The following SANBR variants were observed in gnomAD, a reference collection of about 807,000 sequenced individuals.
SANBR encodes the protein SANT and BTB domain regulator of class switch recombination.
A neutral mutation model predicts 101.8 loss-of-function variants in SANBR; 77 were observed. The ratio of observed to expected loss-of-function variants is 0.76; its 90% confidence interval spans 0.63 to 0.91. The LOEUF is 0.91. SANBR is among the 40% of genes least tolerant of loss of function. SANBR has a pLI of 0.00. For missense variants in SANBR, 875 were observed against 853.0 expected (o/e 1.03, Z -0.32); for synonymous variants, 279 against 274.7 (o/e 1.02, Z -0.15).
downstream of SANBR, among the ~76,000 whole-genome samples, chr2:61,126,538 C>G (rs949170642): frequency 6.6e-6 from 1 of 152,136 alleles, no homozygotes; most frequent in Admixed American, 6.5e-5. Flanking sequence ...CGCGGTGGCT[C>G]ACGCCTGTAA....
intron 10 of SANBR, chr2:61,089,566 T>A (rs1346450546): frequency 6.6e-6 from 1 of 152,236 alleles, no homozygotes; most frequent in Non-Finnish European, 1.5e-5. Context: ...ACCCAGCTAC[T>A]TGGGAGGCCA....
chr2:61,067,388 T>C (rs918304821), intron 1 of SANBR, among the ~76,000 whole-genome samples: 5 of 152,194 alleles, frequency 3.3e-5, no homozygotes, highest in African/African-American at 1.2e-4. Context: ...TCAGGGAAGA[T>C]CCTTGCCCTG....
chr2:61,079,920 C>G (rs923264612), intron 6 of SANBR, among the ~76,000 whole-genome samples: 13 of 150,838 alleles, frequency 8.6e-5, no homozygotes, highest in Middle Eastern at 3.4e-3. Context: ...AAAAAAAGCC[C>G]GGCACTCTGG....
intron 20 of SANBR, among the ~76,000 whole-genome samples, chr2:61,119,343 C>G (rs942473735): frequency 6.6e-6 from 1 of 152,128 alleles, no homozygotes; most frequent in Admixed American, 6.6e-5. Flanking sequence ...TAGCCTACAA[C>G]ACCAAAAGCA....
intron 12 of SANBR, among the ~76,000 whole-genome samples, chr2:61,099,602 GT>G (rs1176329928): frequency 1.3e-5 from 2 of 152,190 alleles, no homozygotes; most frequent in Non-Finnish European, 2.9e-5. Flanking sequence ...AGATATATGA[GT>G]TTGGGAGCTC....
At chr2:61,074,986 C>T (rs1188462092) in intron 5 of SANBR, 2 of 149,252 alleles carry the variant, frequency 1.3e-5, no homozygotes, top group African/African-American at 2.5e-5. Flanking sequence ...TTTTTAGAGA[C>T]GTGGTCTCAC....
intron 16 of SANBR, among the ~76,000 whole-genome samples, chr2:61,114,326 G>C (rs1408991224): frequency 1.3e-5 from 2 of 152,302 alleles, no homozygotes; most frequent in East Asian, 1.9e-4. Flanking sequence ...AATGCCACTA[G>C]AATGTAATTA....
intron 12 of SANBR, among the ~76,000 whole-genome samples, chr2:61,102,047 G>A (rs2104926295): frequency 6.6e-6 from 1 of 151,484 alleles, no homozygotes; most frequent in Admixed American, 6.6e-5. Context: ...AACCAAAATA[G>A]ATATATAATG....
At position 61,088,361 on chromosome 2, in the gene SANBR, C is replaced by T. The variant is rs752904872; in HGVS notation, c.981C>T (p.Cys327=). 2.5e-6 allele frequency: 4 copies of T among 1,583,310 alleles called. No individual in the cohort carries two copies. The Admixed American group carries it at 5.5e-5, about 22-fold the overall frequency. ...TTTGTATCTTCTTTGTTTATAGATG[C>T]TGTTTGTGTAAGAAACTTTTAACAA... ...SRSNAATLYR[C]CLCKKLLTKE... The change falls in exon 10 of 22, where the codon TGC becomes TGT. Residue 327 remains cysteine, a synonymous_variant. Coordinates refer to ENST00000402291, the MANE Select transcript of SANBR (RefSeq NM_001129993.3).
intron 6 of SANBR, among the ~76,000 whole-genome samples, chr2:61,079,660 C>T (rs1480177206): frequency 1.3e-5 from 2 of 152,022 alleles, no homozygotes; most frequent in Admixed American, 1.3e-4. Context: ...AAAAATTATT[C>T]GATTCATCAT....
intron 11 of SANBR, 52 bp from the exon 12 acceptor site, chr2:61,097,646 AAC>A: frequency 1.5e-6 from 2 of 1,354,668 alleles, no homozygotes; most frequent in Non-Finnish European, 2.1e-6. Context: ...GTATTTTTGA[AAC>A]ATATAATTTT....
intron 20 of SANBR, among the ~76,000 whole-genome samples, chr2:61,132,590 A>G (rs1684720951): frequency 6.6e-6 from 1 of 152,232 alleles, no homozygotes; most frequent in African/African-American, 2.4e-5. Flanking sequence ...TAATGCAGCC[A>G]CTTTGAAAAG....
intron 1 of SANBR, among the ~76,000 whole-genome samples, chr2:61,067,312 G>C (rs753309058): frequency 2.0e-5 from 3 of 152,190 alleles, no homozygotes; most frequent in Non-Finnish European, 4.4e-5. Flanking sequence ...GCTTTTAAGT[G>C]TTTGACGTGG....
At chr2:61,109,714 A>G (rs1407065101) in intron 16 of SANBR, among the ~76,000 whole-genome samples, 1 of 125,110 alleles carries the variant, frequency 8.0e-6, no homozygotes, top group Non-Finnish European at 1.6e-5. Context: ...GCAGAGTCTC[A>G]CTCTGTCACA....
chr2:61,080,477 C>T (rs1452002074), intron 6 of SANBR, among the ~76,000 whole-genome samples: 2 of 152,180 alleles, frequency 1.3e-5, no homozygotes, highest in Non-Finnish European at 2.9e-5. Flanking sequence ...AATCCCAGCA[C>T]TTTGGGAGGC....
At chr2:61,119,512 A>G (rs1553437479) in intron 20 of SANBR, among the ~76,000 whole-genome samples, 1 of 152,180 alleles carries the variant, frequency 6.6e-6, no homozygotes, top group Non-Finnish European at 1.5e-5. Context: ...AGAACTCTCA[A>G]AACTCAATAA....
chr2:61,111,785 A>G (rs1361363407), intron 16 of SANBR, among the ~76,000 whole-genome samples: 2 of 152,248 alleles, frequency 1.3e-5, no homozygotes, highest in African/African-American at 4.8e-5. Flanking sequence ...TTAGGGTTTC[A>G]TATGAATGGA....
chr2:61,116,077 C>A lies in SANBR; in HGVS notation c.1836+7C>A. ...AGAAAAGGCATTGGAGAAGGTAACT[C>A]TGAATTATCTGTTGTTAAAGTTCAT... On this transcript the variant is annotated splice_region_variant and intron_variant, in intron 17 of 21. Coordinates refer to ENST00000402291, the MANE Select transcript of SANBR (RefSeq NM_001129993.3). The A allele has an allele frequency of 1.9e-6, 3 of 1,557,454 alleles. No homozygotes were observed. Among genetic ancestry groups the A allele is most frequent in the Non-Finnish European group, 2.6e-6 (3 of 1,140,792 alleles).
At chr2:61,096,329 C>T (rs1009904049) in intron 11 of SANBR, among the ~76,000 whole-genome samples, 2 of 152,184 alleles carry the variant, frequency 1.3e-5, no homozygotes, top group Non-Finnish European at 2.9e-5. Flanking sequence ...ACAAGGCTAA[C>T]AGAATCCAAC....
Sources: gnomAD v4.1 joint callset for allele counts (sites outside exome capture counted in the v4.1 genomes callset) on GRCh38, gnomAD v4.1.1 for gene constraint, MANE v1.5 for transcripts, NCBI Gene and HGNC (gene_info 2026-07-23, HGNC 2026-07-21) for gene names.